Variants in NKAIN2 observed in about 807,000 individuals in gnomAD.
NKAIN2 encodes sodium/potassium transporting ATPase interacting 2.
Under a neutral mutation model 32.6 loss-of-function variants are expected in NKAIN2, and 14 were observed. That is an observed-to-expected ratio of 0.43 (90% CI 0.28 to 0.67). NKAIN2 has a LOEUF of 0.67. Among genes scored for constraint, NKAIN2 ranks in the 30% least tolerant of loss-of-function variants. The probability of loss-of-function intolerance (pLI) is 0.17; values close to 1 mark genes in which losing one functional copy is unlikely to be tolerated. For missense variants in NKAIN2, 198 were observed against 258.3 expected (o/e 0.77, Z 1.60); for synonymous variants, 80 against 87.2 (o/e 0.92, Z 0.46).
At chr6:124,709,284 A>G (rs1164924707) in intron 4 of NKAIN2, among the ~76,000 whole-genome samples, 1 of 148,710 alleles carries the variant, frequency 6.7e-6, no homozygotes, top group African/African-American at 2.5e-5. Flanking sequence ...CATCAAGGAT[A>G]TTGGTCTAAA....
At chr6:124,541,800 G>A (rs1395743708) in intron 3 of NKAIN2, among the ~76,000 whole-genome samples, 1 of 152,146 alleles carries the variant, frequency 6.6e-6, no homozygotes, top group Non-Finnish European at 1.5e-5. Flanking sequence ...AGAGACTTGT[G>A]TTAACATCTT....
intron 4 of NKAIN2, among the ~76,000 whole-genome samples, chr6:124,765,056 G>A (rs1452828867): frequency 1.3e-5 from 2 of 152,094 alleles, no homozygotes; most frequent in African/African-American, 4.8e-5. Context: ...TATTTTAAAA[G>A]ATAATGAAAT....
chr6:123,895,200 C>G (rs1374361747), intron 1 of NKAIN2, among the ~76,000 whole-genome samples: 1 of 151,376 alleles, frequency 6.6e-6, no homozygotes, highest in Non-Finnish European at 1.5e-5. Context: ...CTCACACAGA[C>G]ACACACACAC....
chr6:124,266,195 A>G (rs1754095802), intron 1 of NKAIN2, among the ~76,000 whole-genome samples: 1 of 152,166 alleles, frequency 6.6e-6, no homozygotes, highest in South Asian at 2.1e-4. Flanking sequence ...TTGACAAATA[A>G]TTTCCTATAA....
intron 1 of NKAIN2, among the ~76,000 whole-genome samples, chr6:124,175,986 A>T (rs540300152): frequency 5.9e-5 from 9 of 151,904 alleles, no homozygotes; most frequent in African/African-American, 2.2e-4. Context: ...CTCATGAGAA[A>T]TTTTCTAGTT....
At chr6:124,037,253 G>T (rs991653576) in intron 1 of NKAIN2, among the ~76,000 whole-genome samples, 3 of 152,112 alleles carry the variant, frequency 2.0e-5, no homozygotes, top group East Asian at 3.9e-4. Flanking sequence ...AAATTTAGAA[G>T]ATTTGGAAAT....
chr6:124,361,801 G>A (rs918662882), intron 3 of NKAIN2, among the ~76,000 whole-genome samples: 15 of 152,138 alleles, frequency 9.9e-5, no homozygotes, highest in African/African-American at 3.4e-4. Flanking sequence ...AGACTATAGG[G>A]AACAAATCCT....
intron 1 of NKAIN2, among the ~76,000 whole-genome samples, chr6:124,095,773 C>G (rs1784623128): frequency 6.6e-6 from 1 of 152,090 alleles, no homozygotes; most frequent in African/African-American, 2.4e-5. Flanking sequence ...ACGAAGTGAT[C>G]ATGTTTTTCT....
At chr6:124,679,251 G>A (rs749608592) in intron 4 of NKAIN2, among the ~76,000 whole-genome samples, 8 of 152,044 alleles carry the variant, frequency 5.3e-5, no homozygotes, top group East Asian at 1.9e-4. Context: ...CCCTGAACCC[G>A]GGACAAGGGT....
At chr6:123,905,978 C>T (rs989799086) in intron 1 of NKAIN2, among the ~76,000 whole-genome samples, 2 of 151,990 alleles carry the variant, frequency 1.3e-5, no homozygotes, top group African/African-American at 4.8e-5. Flanking sequence ...TTGTTTTGTG[C>T]CTTTTCAAGC....
chr6:124,708,956 TATG>T (rs1048665408), intron 4 of NKAIN2, among the ~76,000 whole-genome samples: 3 of 148,472 alleles, frequency 2.0e-5, no homozygotes, highest in Non-Finnish European at 4.4e-5. Context: ...GCCCATTCAG[TATG>T]ATATTGGCTG....
rs146240030 is a variant in NKAIN2, at chr6:124,097,559, C to T, written c.55-185446C>T. Among the ~76,000 whole-genome samples the T allele has an allele frequency of 1.4e-3, 207 of 152,222 alleles. 2 individuals carry two copies. Among genetic ancestry groups the T allele is most frequent in the African/African-American group, 4.7e-3 (194 of 41,528 alleles). On this transcript the variant is annotated intron_variant, in intron 1 of 6. Transcript: ENST00000368417. ...CTATTTGCTAGAGTTTGGGTTTATT[C>T]GCAAATGACCTGATTTCTCAGTTAT...
chr6:124,178,753 C>A (rs1224818471), intron 1 of NKAIN2, among the ~76,000 whole-genome samples: 4 of 152,196 alleles, frequency 2.6e-5, no homozygotes, highest in Non-Finnish European at 4.4e-5. Context: ...AGTATTCATA[C>A]CTGGGCAATT....
intron 1 of NKAIN2, among the ~76,000 whole-genome samples, chr6:123,853,262 C>T (rs1383117204): frequency 6.6e-6 from 1 of 152,102 alleles, no homozygotes; most frequent in Admixed American, 6.5e-5. Context: ...CTTCTTTCAC[C>T]TTAAGCTTAC....
intron 1 of NKAIN2, among the ~76,000 whole-genome samples, chr6:123,884,566 C>T (rs1184515887): frequency 6.6e-6 from 1 of 152,012 alleles, no homozygotes; most frequent in Non-Finnish European, 1.5e-5. Flanking sequence ...AATTAATCCT[C>T]TAATAATTTG....
intron 3 of NKAIN2, among the ~76,000 whole-genome samples, chr6:124,369,157 A>G (rs980656): frequency 0.23 from 35,058 of 152,002 alleles, 4,119 homozygotes; most frequent in Admixed American, 0.3. Flanking sequence ...GACGTAAGCA[A>G]TTACCATCCT....
intron 1 of NKAIN2, among the ~76,000 whole-genome samples, chr6:124,063,145 A>G (rs1259491460): frequency 3.3e-5 from 5 of 152,008 alleles, no homozygotes; most frequent in African/African-American, 1.2e-4. Flanking sequence ...AGATCATGCC[A>G]CTGCACTCCA....
At chr6:124,347,739 A>C (rs749886688) in intron 2 of NKAIN2, among the ~76,000 whole-genome samples, 1 of 151,944 alleles carries the variant, frequency 6.6e-6, no homozygotes, top group Non-Finnish European at 1.5e-5. Context: ...CATTCATCTA[A>C]ATTTTTTTCC....
At chr6:124,727,536 C>T (rs1365546154) in intron 4 of NKAIN2, among the ~76,000 whole-genome samples, 3 of 151,686 alleles carry the variant, frequency 2.0e-5, no homozygotes, top group Middle Eastern at 3.4e-3. Context: ...CAGGCCTGCC[C>T]TAAAAGAGCT....
Sources: gnomAD v4.1 joint callset for allele counts (sites outside exome capture counted in the v4.1 genomes callset) on GRCh38, gnomAD v4.1.1 for gene constraint, MANE v1.5 for transcripts, NCBI Gene and HGNC (gene_info 2026-07-23, HGNC 2026-07-21) for gene names.